The following HDAC9 variants were observed in gnomAD, a reference collection of about 807,000 sequenced individuals.
HDAC9 encodes histone deacetylase 9.
In HDAC9, 41 loss-of-function variants were observed where a neutral mutation model predicts 139.4. The observed-to-expected ratio is 0.29, with a 90% CI of 0.23 to 0.38. The LOEUF is 0.38. Ranked by LOEUF, HDAC9 falls within the 10% of genes least tolerant of loss-of-function variation. HDAC9 has a pLI of 1.00. For synonymous variants in HDAC9, 517 were observed against 476.2 expected (o/e 1.09, Z -1.12); for missense variants, 1,147 against 1,297.0 (o/e 0.88, Z 1.78).
intron 24 of HDAC9, among the ~76,000 whole-genome samples, chr7:18,970,341 T>C (rs1784167364): frequency 6.6e-6 from 1 of 152,216 alleles, no homozygotes; most frequent in Admixed American, 6.5e-5. Context: ...TAGCTATGCT[T>C]TGACAAACAT....
At chr7:18,879,526 A>T (rs976945538) in intron 22 of HDAC9, among the ~76,000 whole-genome samples, 13 of 152,138 alleles carry the variant, frequency 8.5e-5, no homozygotes, top group Non-Finnish European at 1.6e-4. Context: ...TGACTAACTG[A>T]TCTTTGACAA....
intron 16 of HDAC9, among the ~76,000 whole-genome samples, chr7:18,767,410 C>G (rs1387124940): frequency 6.6e-6 from 1 of 152,160 alleles, no homozygotes; most frequent in Non-Finnish European, 1.5e-5. Flanking sequence ...TGTAAGTTCC[C>G]GTGTGACTGC....
At chr7:18,933,102 C>A (rs2892905) in intron 22 of HDAC9, among the ~76,000 whole-genome samples, 2,900 of 152,248 alleles carry the variant, frequency 0.019, 75 homozygotes, top group African/African-American at 0.064. Context: ...ACCCCAGTGT[C>A]TTAGTTCAGG....
chr7:18,291,659 C>T (rs963389927), intron 1 of HDAC9, among the ~76,000 whole-genome samples: 3 of 152,060 alleles, frequency 2.0e-5, no homozygotes, highest in Non-Finnish European at 2.9e-5. Context: ...TTTATAATGC[C>T]AGGCTAGGAA....
intron 16 of HDAC9, among the ~76,000 whole-genome samples, chr7:18,771,903 GC>G (rs1210411051): frequency 1.3e-5 from 2 of 152,098 alleles, no homozygotes; most frequent in African/African-American, 2.4e-5. Context: ...TATTTTCAAA[GC>G]CATAATGTGT....
intron 1 of HDAC9, among the ~76,000 whole-genome samples, chr7:18,160,761 C>T (rs964770125): frequency 8.5e-5 from 13 of 152,098 alleles, no homozygotes; most frequent in East Asian, 5.8e-4. Flanking sequence ...GGATTACAGG[C>T]GCCCACCACC....
rs751640170 is a variant in HDAC9 at position 18,835,600 on chromosome 7, C to A, written c.2586+14C>A. 1.2e-5 allele frequency: 19 copies of A among 1,613,472 alleles called. No individual in the cohort carries two copies. Among genetic ancestry groups the A allele is most frequent in the Non-Finnish European group, 1.6e-5 (19 of 1,179,576 alleles). ...GCCCCAAATGAGGTTCGGTTTATTT[C>A]TTTAGAGCCCCACTTTTATTTGTAT... On this transcript the variant is annotated intron_variant, in intron 20 of 25. Transcript: ENST00000686413.
In HDAC9 at chr7:18,674,891, C is replaced by T. The variant is rs559469676; in HGVS notation, c.1731+8415C>T. Among the ~76,000 whole-genome samples, 86 of 151,964 alleles carry T rather than the reference C, an allele frequency of 5.7e-4. 1 individual carries two copies. Among genetic ancestry groups the T allele is most frequent in the African/African-American group, 2.0e-3 (81 of 41,490 alleles). On this transcript the variant is annotated intron_variant, in intron 12 of 25. Coordinates refer to ENST00000686413, the MANE Select transcript of HDAC9 (RefSeq NM_178425.4). Reference sequence around the variant, plus strand: ...TTTTCTTGATGAATTTATTATTTAACAGTACTCACACCATATTAATTTTTA... The same window carrying T: ...TTTTCTTGATGAATTTATTATTTAATAGTACTCACACCATATTAATTTTTA...
chr7:18,147,354 A>G (rs1490054623), intron 1 of HDAC9, among the ~76,000 whole-genome samples: 3 of 152,228 alleles, frequency 2.0e-5, no homozygotes, highest in Non-Finnish European at 4.4e-5. Flanking sequence ...TTGGAAGGTT[A>G]CAAAAATTGG....
chr7:18,337,670 G>A (rs1160253859), intron 1 of HDAC9, among the ~76,000 whole-genome samples: 1 of 151,668 alleles, frequency 6.6e-6, no homozygotes. Context: ...CATTACCATT[G>A]AGTAGAAATA....
At chr7:18,248,213 T>C (rs1176787388) in intron 2 of HDAC9, among the ~76,000 whole-genome samples, 1 of 152,234 alleles carries the variant, frequency 6.6e-6, no homozygotes, top group Non-Finnish European at 1.5e-5. Context: ...GATTTACTAA[T>C]TGAATTTGCT....
intron 1 of HDAC9, among the ~76,000 whole-genome samples, chr7:18,338,340 A>G (rs1257532534): frequency 6.6e-6 from 1 of 151,644 alleles, no homozygotes; most frequent in Non-Finnish European, 1.5e-5. Context: ...TGACAACAAT[A>G]CGGATATAAT....
intron 21 of HDAC9, among the ~76,000 whole-genome samples, chr7:18,858,058 C>T (rs771453886): frequency 2.6e-5 from 4 of 151,998 alleles, no homozygotes; most frequent in South Asian, 2.1e-4. Flanking sequence ...TGGATTCTGC[C>T]GGCTGTTTAG....
At chr7:18,205,617 T>C (rs1791448491) in intron 2 of HDAC9, among the ~76,000 whole-genome samples, 1 of 152,126 alleles carries the variant, frequency 6.6e-6, no homozygotes, top group Non-Finnish European at 1.5e-5. Flanking sequence ...ATGATCTAAA[T>C]TGCTAATTTA....
At chr7:18,407,795 C>T (rs751078186) in intron 1 of HDAC9, among the ~76,000 whole-genome samples, 13 of 152,230 alleles carry the variant, frequency 8.5e-5, no homozygotes, top group Non-Finnish European at 1.5e-4. Context: ...TGCTATTCCC[C>T]GCAGTTAAAG....
At chr7:18,149,677 A>C (rs1786619213) in intron 1 of HDAC9, among the ~76,000 whole-genome samples, 1 of 151,902 alleles carries the variant, frequency 6.6e-6, no homozygotes, top group Admixed American at 6.6e-5. Context: ...CAGCCTCCCA[A>C]GTAGCTGGGA....
At chr7:18,771,595 A>T (rs1239774020) in intron 16 of HDAC9, among the ~76,000 whole-genome samples, 7 of 152,074 alleles carry the variant, frequency 4.6e-5, no homozygotes, top group Admixed American at 3.9e-4. Flanking sequence ...GTATATACAC[A>T]TACATAATCA....
At chr7:18,378,388 A>T (rs1165036511) in intron 1 of HDAC9, among the ~76,000 whole-genome samples, 2 of 151,940 alleles carry the variant, frequency 1.3e-5, no homozygotes. Context: ...TATATAAAAA[A>T]CTTTATGTGT....
At chr7:18,530,210 C>A (rs920444962) in intron 2 of HDAC9, among the ~76,000 whole-genome samples, 2 of 152,052 alleles carry the variant, frequency 1.3e-5, no homozygotes, top group African/African-American at 4.8e-5. Context: ...CTGTAGTGAA[C>A]CATGATCATG....
Sources: gnomAD v4.1 joint callset for allele counts (sites outside exome capture counted in the v4.1 genomes callset) on GRCh38, gnomAD v4.1.1 for gene constraint, MANE v1.5 for transcripts, NCBI Gene and HGNC (gene_info 2026-07-23, HGNC 2026-07-21) for gene names.